DAB1: variants seen among roughly 807,000 people sequenced by gnomAD.
DAB1 encodes the protein DAB adaptor protein 1, also known as disabled homolog 1.
Under a neutral mutation model 64.6 loss-of-function variants are expected in DAB1, and 15 were observed. The ratio of observed to expected loss-of-function variants is 0.23; its 90% CI spans 0.16 to 0.36. The LOEUF (loss-of-function observed/expected upper bound fraction) is 0.36. Ranked by LOEUF, DAB1 falls within the 10% of genes least tolerant of loss-of-function variation. The pLI is 1.00. For missense variants in DAB1, 596 were observed against 706.7 expected, an observed-to-expected ratio of 0.84 and a Z score of 1.78; for synonymous variants, 235 against 251.9, an observed-to-expected ratio of 0.93 and a Z score of 0.64.
At chr1:58,080,303 A>T (rs1436659215) in intron 5 of DAB1, 1 of 152,144 alleles carries the variant, frequency 6.6e-6, no homozygotes, top group Non-Finnish European at 1.5e-5. Context: ...GTTTTTTAAT[A>T]CCCAAAGGGT....
intron 9 of DAB1, among the ~76,000 whole-genome samples, chr1:57,039,647 C>G (rs919474974): frequency 2.0e-4 from 30 of 152,184 alleles, no homozygotes; most frequent in Non-Finnish European, 3.2e-4. Flanking sequence ...ACTCTTCTTC[C>G]TATCCATCCC....
intron 7 of DAB1, among the ~76,000 whole-genome samples, chr1:57,499,937 T>G (rs1461841455): frequency 6.6e-6 from 1 of 152,346 alleles, no homozygotes; most frequent in African/African-American, 2.4e-5. Flanking sequence ...GCTTGGTGTT[T>G]TTCACATTGC....
intron 6 of DAB1, among the ~76,000 whole-genome samples, chr1:57,773,666 C>T (rs1431066466): frequency 1.3e-5 from 2 of 151,902 alleles, no homozygotes; most frequent in Non-Finnish European, 2.9e-5. Context: ...CTATCCATTT[C>T]AAGTAATTTA....
chr1:58,258,062 C>T (rs1660972727), intron 4 of DAB1, among the ~76,000 whole-genome samples: 1 of 152,224 alleles, frequency 6.6e-6, no homozygotes, highest in African/African-American at 2.4e-5. Context: ...TCCTCGTACA[C>T]ATGCACACAT....
chr1:57,679,202 G>A (rs1229768620), intron 6 of DAB1, among the ~76,000 whole-genome samples: 1 of 152,202 alleles, frequency 6.6e-6, no homozygotes, highest in Admixed American at 6.5e-5. Flanking sequence ...AGACCCCATA[G>A]CCCATTCTCT....
intron 4 of DAB1, among the ~76,000 whole-genome samples, chr1:58,241,619 AATG>A (rs1024580757): frequency 6.6e-6 from 1 of 152,150 alleles, no homozygotes; most frequent in African/African-American, 2.4e-5. Flanking sequence ...GCCTGAACAA[AATG>A]ATAAGAAAAA....
intron 1 of DAB1, among the ~76,000 whole-genome samples, chr1:57,323,564 C>T (rs1472455968): frequency 3.3e-5 from 5 of 152,150 alleles, no homozygotes; most frequent in Admixed American, 1.3e-4. Context: ...CATTATTTAA[C>T]TTTTCATATT....
Position 58,378,975 on chromosome 1 carries a change from G to A in DAB1, n.258-35572C>T, listed in dbSNP as rs1371164041. 2.2e-4 allele frequency among the ~76,000 whole-genome samples: 30 copies of A among 134,944 alleles called. No individual in the cohort carries two copies. The Middle Eastern group carries it at 0.015, about 68-fold the overall frequency. The allele number at this position is 134,944 out of a possible 152,430, so 88.5% of individuals were successfully genotyped here. A position where few individuals can be genotyped will look rare whatever the true frequency, so the allele number is the denominator to read the frequency against. On this transcript the variant is annotated intron_variant and non_coding_transcript_variant, in intron 3 of 20. Coordinates refer to the DAB1 transcript ENST00000485760. ...CGTCCGTCACCCCTTTCTTTGACTC[G>A]GAAAGGGAACTCCCTGACCCCTTGC...
At chr1:57,227,408 A>C (rs886258542) in intron 2 of DAB1, among the ~76,000 whole-genome samples, 1 of 152,192 alleles carries the variant, frequency 6.6e-6, no homozygotes, top group African/African-American at 2.4e-5. Flanking sequence ...CAGTAAAACA[A>C]AATAGATAAT....
chr1:57,415,486 A>C (rs1684428434), intron 1 of DAB1, among the ~76,000 whole-genome samples: 1 of 152,220 alleles, frequency 6.6e-6, no homozygotes, highest in African/African-American at 2.4e-5. Context: ...AGATAGCAGA[A>C]GGTTGGCAAA....
chr1:57,341,012 CA>C (rs1169517947), intron 1 of DAB1, among the ~76,000 whole-genome samples: 3 of 152,168 alleles, frequency 2.0e-5, no homozygotes, highest in Non-Finnish European at 2.9e-5. Context: ...GACTGGCAGC[CA>C]GCACTTACAC....
chr1:58,260,252 G>A (rs1054424725), intron 4 of DAB1, among the ~76,000 whole-genome samples: 1 of 152,102 alleles, frequency 6.6e-6, no homozygotes, highest in Admixed American at 6.6e-5. Flanking sequence ...TCTCACCTTC[G>A]CAAAGCCCTT....
At chr1:57,010,864 C>T in intron 13 of DAB1, 74 bp from the exon 14 acceptor site, 1 of 1,139,010 alleles carries the variant, frequency 8.8e-7, no homozygotes. Context: ...CCTGGATATA[C>T]TTTCATGCAG....
chr1:57,599,818 T>C (rs749404924), intron 7 of DAB1, among the ~76,000 whole-genome samples: 38 of 152,266 alleles, frequency 2.5e-4, no homozygotes, highest in Non-Finnish European at 4.9e-4. Flanking sequence ...ATCTGCACTC[T>C]ACTCTCCCAG....
At chr1:57,401,264 C>T (rs1419203859) in intron 1 of DAB1, among the ~76,000 whole-genome samples, 2 of 152,182 alleles carry the variant, frequency 1.3e-5, no homozygotes, top group African/African-American at 4.8e-5. Context: ...ATATAGGAAT[C>T]TCCTTTCAGA....
chr1:58,213,259 G>T (rs921666041), intron 4 of DAB1, among the ~76,000 whole-genome samples: 2 of 152,110 alleles, frequency 1.3e-5, no homozygotes, highest in East Asian at 1.9e-4. Flanking sequence ...AATCTTTGAG[G>T]TCTATTCCAA....
At chr1:57,474,379 T>C (rs1258264784) in intron 7 of DAB1, among the ~76,000 whole-genome samples, 1 of 152,232 alleles carries the variant, frequency 6.6e-6, no homozygotes, top group Admixed American at 6.5e-5. Context: ...ACTCCGCTCA[T>C]TCTCTTGCCC....
At chr1:57,694,056 C>T (rs1646795669) in intron 6 of DAB1, among the ~76,000 whole-genome samples, 1 of 151,994 alleles carries the variant, frequency 6.6e-6, no homozygotes, top group Non-Finnish European at 1.5e-5. Flanking sequence ...GGAGAGTTTC[C>T]CCAGTGTTTT....
At chr1:57,965,480 G>A (rs1227340476) in intron 5 of DAB1, among the ~76,000 whole-genome samples, 1 of 152,118 alleles carries the variant, frequency 6.6e-6, no homozygotes, top group African/African-American at 2.4e-5. Flanking sequence ...CATAGGTGGT[G>A]AGGATACATT....
Sources: allele counts gnomAD v4.1 joint callset (sites outside exome capture counted in the v4.1 genomes callset), GRCh38; gene constraint gnomAD v4.1.1; transcripts MANE v1.5; gene names NCBI Gene and HGNC (gene_info 2026-07-23, HGNC 2026-07-21).